Variants in JAK2 observed in about 807,000 individuals in gnomAD.
The protein encoded by JAK2 is Janus kinase 2, also known as tyrosine-protein kinase JAK2.
A neutral mutation model predicts 139.3 loss-of-function variants in JAK2; 86 were observed. That is an observed-to-expected ratio of 0.62 (90% CI 0.52 to 0.74). The LOEUF is 0.74. Ranked by LOEUF, JAK2 falls within the 30% of genes least tolerant of loss-of-function variation. The pLI, the probability that JAK2 is intolerant of heterozygous loss-of-function variation, is 0.00. For missense variants in JAK2, 1,421 were observed against 1,360.3 expected (o/e 1.04, Z -0.70); for synonymous variants, 490 against 437.7 (o/e 1.12, Z -1.49).
At position 4,997,968 on chromosome 9, in the gene JAK2, G is replaced by C. The variant is rs938213817; in HGVS notation, c.-26+11946G>C. Among the ~76,000 whole-genome samples the C allele has an allele frequency of 2.6e-5, 4 of 151,704 alleles. No individual in the cohort carries two copies. The East Asian group carries it at 7.7e-4, about 29-fold the overall frequency. ...TGATAATCTTTAAATAATTATTTCA[G>C]AGGAATATCTGAAATATTCAGTGTT... On this transcript the variant is annotated intron_variant, in intron 2 of 24. Transcript: ENST00000381652.
intron 22 of JAK2, among the ~76,000 whole-genome samples, chr9:5,091,907 G>T (rs1820606619): frequency 6.6e-6 from 1 of 152,160 alleles, no homozygotes; most frequent in Non-Finnish European, 1.5e-5. Flanking sequence ...ACCTAGGGCT[G>T]TGAGCTTTAG....
At chr9:5,043,053 C>A (rs1027202198) in intron 4 of JAK2, among the ~76,000 whole-genome samples, 1 of 152,186 alleles carries the variant, frequency 6.6e-6, no homozygotes, top group Admixed American at 6.5e-5. Flanking sequence ...CGCGCGGGCT[C>A]GTGGCTTCCT....
intron 2 of JAK2, among the ~76,000 whole-genome samples, chr9:5,013,328 CATAGT>C (rs1422465878): frequency 2.0e-5 from 3 of 152,168 alleles, no homozygotes; most frequent in Non-Finnish European, 4.4e-5. Context: ...GTAGGAAAAA[CATAGT>C]ATATCTACTT....
intron 22 of JAK2, among the ~76,000 whole-genome samples, chr9:5,116,179 T>C (rs1196561782): frequency 6.6e-6 from 1 of 152,202 alleles, no homozygotes; most frequent in African/African-American, 2.4e-5. Flanking sequence ...TTATTATCTC[T>C]ATTTTAAGCA....
intron 10 of JAK2, among the ~76,000 whole-genome samples, chr9:5,066,999 G>A (rs1818617617): frequency 6.6e-6 from 1 of 151,962 alleles, no homozygotes; most frequent in Non-Finnish European, 1.5e-5. Context: ...AATTTATAAT[G>A]TCTATCTTTT....
intron 22 of JAK2, among the ~76,000 whole-genome samples, chr9:5,106,574 C>G (rs1821971262): frequency 6.6e-6 from 1 of 152,224 alleles, no homozygotes; most frequent in Non-Finnish European, 1.5e-5. Flanking sequence ...GATTATAAAT[C>G]ATGCTGCTAT....
chr9:5,098,374 G>A (rs1054081556), intron 22 of JAK2: 7 of 152,088 alleles, frequency 4.6e-5, no homozygotes, highest in African/African-American at 7.2e-5. Flanking sequence ...CCTTCAAGAC[G>A]CTACATCCCC....
At chr9:5,052,803 T>G (rs886164927) in intron 6 of JAK2, among the ~76,000 whole-genome samples, 3 of 152,094 alleles carry the variant, frequency 2.0e-5, no homozygotes, top group African/African-American at 7.2e-5. Flanking sequence ...CAAGGTTCAT[T>G]CATGTTGTAG....
chr9:5,111,592 G>C, intron 22 of JAK2: 1 of 366,666 alleles, frequency 2.7e-6, no homozygotes, highest in Non-Finnish European at 5.3e-6. Context: ...CCGAGCTCTG[G>C]AGTTCCCTGG....
At chr9:5,078,931 A>C (rs1224146060) in intron 16 of JAK2, among the ~76,000 whole-genome samples, 1 of 152,224 alleles carries the variant, frequency 6.6e-6, no homozygotes, top group Non-Finnish European at 1.5e-5. Context: ...CAGTGGGTTA[A>C]AAATACAAAT....
intron 13 of JAK2, 87 bp from the exon 14 acceptor site, chr9:5,073,611 G>A: frequency 1.0e-6 from 1 of 958,816 alleles, no homozygotes; most frequent in Non-Finnish European, 1.6e-6. Flanking sequence ...AGGAGAAAGT[G>A]CATCTTTATT....
intron 18 of JAK2, 60 bp downstream of exon 18, chr9:5,080,743 A>G: frequency 7.9e-7 from 1 of 1,262,548 alleles, no homozygotes; most frequent in East Asian, 2.6e-5. Flanking sequence ...TATTTAATGA[A>G]TCATTACTAA....
At chr9:5,095,193 T>C (rs1479059032) in intron 22 of JAK2, among the ~76,000 whole-genome samples, 1 of 151,352 alleles carries the variant, frequency 6.6e-6, no homozygotes, top group East Asian at 1.9e-4. Context: ...GGGCCCATTC[T>C]CCTGAAAATG....
chr9:5,105,140 G>A (rs7871704), intron 22 of JAK2, among the ~76,000 whole-genome samples: 39,694 of 152,056 alleles, frequency 0.26, 5,362 homozygotes, highest in African/African-American at 0.33. Flanking sequence ...CAGATGACAC[G>A]ACTGTATATT....
At position 5,022,079 on chromosome 9, in the gene JAK2, C is replaced by G; in HGVS notation, c.92C>G (p.Ser31Cys). The G allele has an allele frequency of 1.9e-6, 3 of 1,613,914 alleles. No individual in the cohort carries two copies. The highest frequency in any genetic ancestry group is 2.5e-6 in the Non-Finnish European group (3 of 1,179,756). The change falls in exon 3 of 25, where the codon TCT becomes TGT. Residue 31 changes from serine (S) to cysteine (C), a missense_variant. Physicochemically the swap from Ser to Cys is moderately radical, Grantham distance 112. Transcript: ENST00000381652. ...QNGDISGNAN[S>C]MKQIDPVLQV... ...GGTGATATTTCTGGAAATGCCAATT[C>G]TATGAAGCAAATAGATCCAGTTCTT...
At chr9:5,073,843 T>C (rs1442641127) in intron 14 of JAK2, 58 bp downstream of exon 14, 1 of 1,158,420 alleles carries the variant, frequency 8.6e-7, no homozygotes, top group Non-Finnish European at 1.3e-6. Flanking sequence ...TTTGTTTATA[T>C]AGAAAATTCA....
chr9:5,014,432 C>A (rs1821914766), intron 2 of JAK2, among the ~76,000 whole-genome samples: 1 of 152,110 alleles, frequency 6.6e-6, no homozygotes, highest in Non-Finnish European at 1.5e-5. Context: ...GCACTGAGTG[C>A]AGTAGTAAAT....
chr9:4,990,526 C>G (rs1820181131), intron 2 of JAK2, among the ~76,000 whole-genome samples: 1 of 151,870 alleles, frequency 6.6e-6, no homozygotes, highest in East Asian at 1.9e-4. Context: ...AAGGCTGGTG[C>G]TGTGGTACTT....
intron 22 of JAK2, among the ~76,000 whole-genome samples, chr9:5,105,652 T>A (rs1177154940): frequency 1.3e-5 from 2 of 152,116 alleles, no homozygotes; most frequent in Admixed American, 6.5e-5. Context: ...TCACACTACG[T>A]AACTTCAAAC....
Sources: gnomAD v4.1 joint callset for allele counts (sites outside exome capture counted in the v4.1 genomes callset) on GRCh38, gnomAD v4.1.1 for gene constraint, MANE v1.5 for transcripts, NCBI Gene and HGNC (gene_info 2026-07-23, HGNC 2026-07-21) for gene names.